DPY19L2: variants seen among roughly 807,000 people sequenced by gnomAD.
DPY19L2 encodes the protein dpy-19 like 2.
A neutral mutation model predicts 97.9 loss-of-function variants in DPY19L2; 34 were observed. The ratio of observed to expected loss-of-function variants is 0.35; its 90% CI spans 0.26 to 0.46. DPY19L2 has a LOEUF of 0.46. Among genes scored for constraint, DPY19L2 ranks in the 20% least tolerant of loss-of-function variants. The probability of loss-of-function intolerance (pLI) is 1.00; values close to 1 mark genes in which losing one functional copy is unlikely to be tolerated. For missense variants in DPY19L2, 623 were observed against 911.4 expected, an observed-to-expected ratio of 0.68 and a Z score of 4.07; for synonymous variants, 230 against 307.9, an observed-to-expected ratio of 0.75 and a Z score of 2.65.
intron 16 of DPY19L2, among the ~76,000 whole-genome samples, chr12:63,586,616 C>T (rs1881839039): frequency 6.6e-6 from 1 of 152,128 alleles, no homozygotes; most frequent in Non-Finnish European, 1.5e-5. Flanking sequence ...TTATTGGTTT[C>T]CTCATCTGCA....
At chr12:63,645,174 T>G (rs1009307854) in intron 5 of DPY19L2, among the ~76,000 whole-genome samples, 1 of 152,164 alleles carries the variant, frequency 6.6e-6, no homozygotes, top group Admixed American at 6.5e-5. Context: ...GGTATAAACA[T>G]ACTTTTCTTA....
At chr12:63,572,116 C>T (rs1225899332) in intron 19 of DPY19L2, among the ~76,000 whole-genome samples, 2 of 152,134 alleles carry the variant, frequency 1.3e-5, no homozygotes, top group Non-Finnish European at 2.9e-5. Context: ...CAAGCAGGCT[C>T]TTGTGGTCCC....
chr12:63,660,537 T>C (rs1404682637), intron 4 of DPY19L2, among the ~76,000 whole-genome samples: 2 of 152,020 alleles, frequency 1.3e-5, no homozygotes, highest in Non-Finnish European at 2.9e-5. Context: ...ACTGTATTTA[T>C]AATATTTTAA....
intron 21 of DPY19L2, among the ~76,000 whole-genome samples, chr12:63,562,931 G>A (rs1311678889): frequency 6.6e-6 from 1 of 151,900 alleles, no homozygotes; most frequent in Non-Finnish European, 1.5e-5. Flanking sequence ...GAGTAGCTGG[G>A]ATTATATGCG....
chr12:63,630,618 G>C (rs1248805432), intron 6 of DPY19L2, among the ~76,000 whole-genome samples: 1 of 151,646 alleles, frequency 6.6e-6, no homozygotes, highest in Non-Finnish European at 1.5e-5. Flanking sequence ...AATAATAATG[G>C]GAGACTTTAA....
intron 19 of DPY19L2, among the ~76,000 whole-genome samples, chr12:63,577,739 C>A (rs1880113642): frequency 6.6e-6 from 1 of 152,036 alleles, no homozygotes; most frequent in Non-Finnish European, 1.5e-5. Flanking sequence ...GCATCTCACT[C>A]CAGTTAAAAT....
chr12:63,596,424 CAAGA>C lies in DPY19L2; in HGVS notation c.1462-391_1462-388del, dbSNP rs1246235954. On this transcript the variant is annotated intron_variant, in intron 14 of 21. Coordinates refer to ENST00000324472, the MANE Select transcript of DPY19L2 (RefSeq NM_173812.5). ...TTTTCATTAGTGAAACTAGAGCTAACAAGAAAGAACGCTAACCAAAGTTAATGAC... is the reference window on the plus strand; with the variant it reads ...TTTTCATTAGTGAAACTAGAGCTAACAAGAACGCTAACCAAAGTTAATGAC... 2.0e-5 allele frequency among the ~76,000 whole-genome samples: 3 copies of C among 152,042 alleles called. 1 individual carries two copies. Among genetic ancestry groups the C allele is most frequent in the African/African-American group, 7.2e-5 (3 of 41,380 alleles).
chr12:63,581,949 C>T (rs1337389212), intron 18 of DPY19L2, among the ~76,000 whole-genome samples: 2 of 151,000 alleles, frequency 1.3e-5, no homozygotes, highest in Admixed American at 6.6e-5. Flanking sequence ...TACAGGCACT[C>T]GCCACCATAC....
chr12:63,598,764 C>T (rs1250419465), intron 13 of DPY19L2, among the ~76,000 whole-genome samples: 1 of 151,990 alleles, frequency 6.6e-6, no homozygotes. Flanking sequence ...TTAGAATAGG[C>T]CTGGTGACTA....
chr12:63,632,892 G>A (rs1343138588), intron 6 of DPY19L2, among the ~76,000 whole-genome samples: 1 of 152,076 alleles, frequency 6.6e-6, no homozygotes, highest in Non-Finnish European at 1.5e-5. Flanking sequence ...ACAGAACAGA[G>A]CCCTCAGAAA....
chr12:63,560,476 C>G lies in DPY19L2; in HGVS notation c.*36G>C. 6.3e-7 allele frequency: 1 copy of G among 1,594,668 alleles called. No individual in the cohort carries two copies. The highest frequency in any genetic ancestry group is 8.6e-7 in the Non-Finnish European group (1 of 1,169,064). Reference sequence around the variant, plus strand: ...CCAAAGGGTGATTGTTTTTGACACACGGCATTGTGCCATAGTAAAATGGGT... The same window carrying G: ...CCAAAGGGTGATTGTTTTTGACACAGGGCATTGTGCCATAGTAAAATGGGT... On this transcript the variant is annotated 3_prime_UTR_variant, in exon 22 of 22. Transcript: ENST00000324472.
intron 19 of DPY19L2, among the ~76,000 whole-genome samples, chr12:63,576,156 T>C (rs1005249644): frequency 1.3e-5 from 2 of 152,010 alleles, no homozygotes; most frequent in African/African-American, 4.8e-5. Flanking sequence ...ATCAATGTGA[T>C]ACGTCATATC....
chr12:63,596,704 A>G (rs1884304557), intron 14 of DPY19L2, among the ~76,000 whole-genome samples: 1 of 152,166 alleles, frequency 6.6e-6, no homozygotes, highest in South Asian at 2.1e-4. Flanking sequence ...ATTTACCACT[A>G]ATTCAGAATT....
intron 6 of DPY19L2, among the ~76,000 whole-genome samples, chr12:63,636,419 A>ACT (rs1891705484): frequency 6.6e-6 from 1 of 152,162 alleles, no homozygotes. Context: ...TCAAATTCAC[A>ACT]TAAAACAATA....
At chr12:63,646,133 C>G (rs545791164) in intron 5 of DPY19L2, among the ~76,000 whole-genome samples, 7 of 152,078 alleles carry the variant, frequency 4.6e-5, no homozygotes, top group Non-Finnish European at 1.0e-4. Flanking sequence ...TTGTAATATC[C>G]ATCACAGTTG....
intron 6 of DPY19L2, among the ~76,000 whole-genome samples, chr12:63,636,105 G>GAGA (rs1555207371): frequency 1.7e-4 from 3 of 17,670 alleles, no homozygotes; most frequent in South Asian, 2.4e-3. Flanking sequence ...CAAGCCAGAA[G>GAGA]GGGGGGCGGC....
intron 4 of DPY19L2, among the ~76,000 whole-genome samples, chr12:63,653,760 T>C (rs1480671405): frequency 2.0e-5 from 3 of 152,028 alleles, no homozygotes; most frequent in South Asian, 4.1e-4. Context: ...CTTTTGAAGA[T>C]GAAATTTAAA....
intron 18 of DPY19L2, 117 bp from the exon 19 acceptor site, chr12:63,580,953 CAT>C (rs1361140061): frequency 6.8e-6 from 7 of 1,022,780 alleles, no homozygotes; most frequent in Non-Finnish European, 9.8e-6. Flanking sequence ...TATCAGCACA[CAT>C]GTATACAGAA....
At chr12:63,642,638 C>T (rs1161590989) in intron 6 of DPY19L2, among the ~76,000 whole-genome samples, 1 of 152,028 alleles carries the variant, frequency 6.6e-6, no homozygotes, top group African/African-American at 2.4e-5. Flanking sequence ...TGCTTCTGGG[C>T]TCTACTCTAT....
Sources: gnomAD v4.1 joint callset for allele counts (sites outside exome capture counted in the v4.1 genomes callset) on GRCh38, gnomAD v4.1.1 for gene constraint, MANE v1.5 for transcripts, NCBI Gene and HGNC (gene_info 2026-07-23, HGNC 2026-07-21) for gene names.